The following LRRC20 variants were observed in gnomAD, a reference collection of about 807,000 sequenced individuals.
LRRC20 encodes leucine rich repeat containing 20, also known as leucine-rich repeat-containing protein 20.
A neutral mutation model predicts 14.4 loss-of-function variants in LRRC20; 11 were observed. The observed-to-expected ratio is 0.77, with a 90% CI of 0.48 to 1.27. The LOEUF (loss-of-function observed/expected upper bound fraction) is 1.27, where lower values mean the gene tolerates loss of function less well. Among genes scored for constraint, LRRC20 ranks in the 50% most tolerant of loss-of-function variants. The probability of loss-of-function intolerance (pLI) is 0.00; values close to 1 mark genes in which losing one functional copy is unlikely to be tolerated. For synonymous variants in LRRC20, 121 were observed against 107.3 expected, an observed-to-expected ratio of 1.13 and a Z score of -0.79; for missense variants, 219 against 251.2, an observed-to-expected ratio of 0.87 and a Z score of 0.87.
At chr10:70,361,985 G>A (rs1266112051) in intron 2 of LRRC20, among the ~76,000 whole-genome samples, 2 of 152,120 alleles carry the variant, frequency 1.3e-5, no homozygotes, top group Admixed American at 6.6e-5. Flanking sequence ...CCAGGAGTTC[G>A]AGACCAGCCT....
chr10:70,306,340 G>A (rs1841425408), intron 4 of LRRC20, among the ~76,000 whole-genome samples: 1 of 152,104 alleles, frequency 6.6e-6, no homozygotes, highest in Non-Finnish European at 1.5e-5. Context: ...ATCCTGTACA[G>A]CACTTCCCCC....
intron 4 of LRRC20, among the ~76,000 whole-genome samples, chr10:70,308,380 C>T (rs1487931195): frequency 6.6e-6 from 1 of 152,014 alleles, no homozygotes; most frequent in African/African-American, 2.4e-5. Context: ...CACAGAGAAG[C>T]GCTATGCAGG....
At chr10:70,335,300 G>A (rs1218978604) in intron 3 of LRRC20, among the ~76,000 whole-genome samples, 1 of 152,220 alleles carries the variant, frequency 6.6e-6, no homozygotes. Flanking sequence ...CCACCAGGCT[G>A]TGTTACCTCC....
At chr10:70,353,259 T>C (rs1005612531) in intron 2 of LRRC20, among the ~76,000 whole-genome samples, 1 of 152,234 alleles carries the variant, frequency 6.6e-6, no homozygotes, top group Non-Finnish European at 1.5e-5. Flanking sequence ...AAACAAATTG[T>C]TCTAAGTCAT....
rs955001578 is a variant in LRRC20, at chr10:70,299,928, G to A, written c.*1426C>T. 3 of 152,304 alleles carry A rather than the reference G, an allele frequency of 2.0e-5. No homozygotes were observed. The highest frequency in any genetic ancestry group is 4.8e-5 in the African/African-American group (2 of 41,438). 9.4% of individuals were successfully genotyped at this position (152,304 alleles called of 1,614,324 possible). On this transcript the variant is annotated 3_prime_UTR_variant, in exon 5 of 5. Transcript: ENST00000446961. ...GACAAGAGACCTGGGCAGGGACGAG[G>A]GAACTGGGAGCATTCTGAGCAGGGA... is the stretch of plus-strand genomic sequence containing the variant.
intron 4 of LRRC20, among the ~76,000 whole-genome samples, chr10:70,322,753 T>C (rs571840032): frequency 6.6e-5 from 10 of 152,118 alleles, no homozygotes; most frequent in Non-Finnish European, 1.2e-4. Context: ...GCAGTCTCAC[T>C]GTGCAACCCG....
chr10:70,365,053 CTTTTTTTTT>C (rs10581759), intron 2 of LRRC20, among the ~76,000 whole-genome samples: 2 of 71,430 alleles, frequency 2.8e-5, no homozygotes, highest in Non-Finnish European at 5.5e-5. Context: ...TGAGATTCAA[CTTTTTTTTT>C]TTTTTTTTTT....
intron 2 of LRRC20, among the ~76,000 whole-genome samples, chr10:70,358,431 C>T (rs1302959544): frequency 6.6e-6 from 1 of 152,208 alleles, no homozygotes; most frequent in African/African-American, 2.4e-5. Context: ...TTCTCCTCCT[C>T]GGACAATCTT....
Position 70,340,690 on chromosome 10 carries a change from C to T in LRRC20, c.95G>A (p.Cys32Tyr), listed in dbSNP as rs773019680. 4 of 1,614,208 alleles carry T rather than the reference C, an allele frequency of 2.5e-6. No homozygotes were observed. The highest frequency in any genetic ancestry group is 4.5e-5 in the East Asian group (2 of 44,884). ...GCCAATGGGAAAGGAGACCAGCTTG[C>T]ACTCGGCCAGGTCTGCAGCCAAAGA... is the stretch of plus-strand genomic sequence containing the variant. Reference protein sequence around the residue: ...SGSDTLDLAECKLVSFPIGIY... With the variant: ...SGSDTLDLAEYKLVSFPIGIY... Residue 32 changes from cysteine (C) to tyrosine (Y), a missense_variant, in exon 3 of 5, where the codon TGC becomes TAC. By Grantham distance (194) the Cys-to-Tyr change is radical. Coordinates refer to ENST00000446961, the MANE Select transcript of LRRC20 (RefSeq NM_001278212.2).
At chr10:70,321,572 G>A (rs1322959171) in intron 4 of LRRC20, among the ~76,000 whole-genome samples, 1 of 152,240 alleles carries the variant, frequency 6.6e-6, no homozygotes, top group Non-Finnish European at 1.5e-5. Flanking sequence ...TCCTGCAGTG[G>A]ACAAGGCCCT....
chr10:70,363,332 A>G (rs1248925197), intron 2 of LRRC20, among the ~76,000 whole-genome samples: 1 of 151,892 alleles, frequency 6.6e-6, no homozygotes, highest in African/African-American at 2.4e-5. Context: ...AAGAGAGAGG[A>G]AGGGAGGAAG....
intron 1 of LRRC20, among the ~76,000 whole-genome samples, chr10:70,379,974 C>T (rs1388077637): frequency 6.6e-6 from 1 of 152,176 alleles, no homozygotes; most frequent in African/African-American, 2.4e-5. Context: ...GAATCTAATG[C>T]GGCCGCTGGT....
chr10:70,314,094 G>A (rs898103164), intron 4 of LRRC20, among the ~76,000 whole-genome samples: 2 of 152,102 alleles, frequency 1.3e-5, no homozygotes, highest in East Asian at 1.9e-4. Flanking sequence ...TCATTACCAC[G>A]AGAAAGGTAT....
chr10:70,343,322 T>C (rs368195774), intron 2 of LRRC20, among the ~76,000 whole-genome samples: 2 of 152,314 alleles, frequency 1.3e-5, no homozygotes, highest in Admixed American at 1.3e-4. Context: ...GGGGTTCCAG[T>C]TGACCTCACA....
intron 2 of LRRC20, among the ~76,000 whole-genome samples, chr10:70,351,536 T>G (rs1843310561): frequency 2.0e-5 from 3 of 152,208 alleles, no homozygotes; most frequent in Admixed American, 2.0e-4. Flanking sequence ...TGCCCTCTCT[T>G]CTGCATGGCA....
chr10:70,358,946 C>T (rs1474583231), intron 2 of LRRC20, among the ~76,000 whole-genome samples: 3 of 152,208 alleles, frequency 2.0e-5, no homozygotes, highest in South Asian at 2.1e-4. Context: ...CATCGGGAAG[C>T]TTGGTCTCAG....
At chr10:70,332,156 G>A (rs78420191) in intron 3 of LRRC20, among the ~76,000 whole-genome samples, 4,284 of 152,322 alleles carry the variant, frequency 0.028, 164 homozygotes, top group East Asian at 0.16. Flanking sequence ...CAGGTGGGCA[G>A]TGTCCTTCCA....
chr10:70,314,100 G>A (rs7909599), intron 4 of LRRC20, among the ~76,000 whole-genome samples: 61,340 of 151,920 alleles, frequency 0.4, 12,602 homozygotes, highest in African/African-American at 0.44. Flanking sequence ...CCACGAGAAA[G>A]GTATGGGGGA....
intron 2 of LRRC20, among the ~76,000 whole-genome samples, chr10:70,359,801 G>A (rs1370711425): frequency 6.6e-6 from 1 of 152,032 alleles, no homozygotes; most frequent in Non-Finnish European, 1.5e-5. Context: ...CGTCAACACT[G>A]TATTTCAAGG....
Sources: gnomAD v4.1 joint callset for allele counts (sites outside exome capture counted in the v4.1 genomes callset) on GRCh38, gnomAD v4.1.1 for gene constraint, MANE v1.5 for transcripts, NCBI Gene and HGNC (gene_info 2026-07-23, HGNC 2026-07-21) for gene names.